Variants in SLC24A1 observed in about 807,000 individuals in gnomAD.
The protein encoded by SLC24A1 is solute carrier family 24 member 1, also known as sodium/potassium/calcium exchanger 1.
Under a neutral mutation model 88.1 loss-of-function variants are expected in SLC24A1, and 52 were observed. The ratio of observed to expected loss-of-function variants is 0.59; its 90% confidence interval spans 0.47 to 0.74. SLC24A1 has a LOEUF of 0.74. Ranked by LOEUF, SLC24A1 falls within the 30% of genes least tolerant of loss-of-function variation. SLC24A1 has a pLI of 0.00. For missense variants in SLC24A1, 1,173 were observed against 1,363.3 expected, an observed-to-expected ratio of 0.86 and a Z score of 2.20; for synonymous variants, 455 against 498.0, an observed-to-expected ratio of 0.91 and a Z score of 1.15.
rs115237740 is a variant in SLC24A1, at chr15:65,647,153, G to A, written c.2232+1450G>A. Among the ~76,000 whole-genome samples, 967 of 152,284 alleles carry A rather than the reference G, an allele frequency of 6.3e-3. 9 individuals are homozygous for A. The highest frequency in any genetic ancestry group is 0.022 in the African/African-American group (928 of 41,558). On this transcript the variant is annotated intron_variant, in intron 6 of 9. Transcript: ENST00000261892. ...TACAATCCCAATCCTGCATCCACAG[G>A]AGAATCAGTGACTGGTTTCCAGTCT...
At chr15:65,657,931 G>A (rs2075738398), downstream of SLC24A1, 1 of 152,128 alleles carries the variant, frequency 6.6e-6, no homozygotes, top group Non-Finnish European at 1.5e-5. Flanking sequence ...GCAAAACCTG[G>A]AGAATTTCAC....
rs886051346 is a variant in SLC24A1 at position 65,624,008 on chromosome 15, A to G, written c.-73A>G. 51 of 1,376,392 alleles carry G rather than the reference A, an allele frequency of 3.7e-5. No homozygotes were observed. The highest frequency in any genetic ancestry group is 5.3e-4 in the Middle Eastern group (2 of 3,766). 85.3% of individuals were successfully genotyped at this position (1,376,392 alleles called of 1,614,324 possible). On this transcript the variant is annotated 5_prime_UTR_variant, in exon 2 of 10. Coordinates refer to ENST00000261892, the MANE Select transcript of SLC24A1 (RefSeq NM_004727.3). ...ATGGAGAAATCTTCTCTGATCACCAACCTGAATCCCAGAGTAGCCTCCATC... is the reference window on the plus strand; with the variant it reads ...ATGGAGAAATCTTCTCTGATCACCAGCCTGAATCCCAGAGTAGCCTCCATC...
In SLC24A1 at chr15:65,639,658, A is replaced by G. The variant is rs1358013572; in HGVS notation, c.2008A>G (p.Thr670Ala). Residue 670 changes from threonine to alanine, a missense_variant, in exon 4 of 10, where the codon ACC becomes GCC. Thr to Ala is a moderately conservative substitution (Grantham distance 58, BLOSUM62 0). Transcript: ENST00000261892. The stretch of plus-strand genomic sequence containing the variant: ...TCTGCACAACAGCACCATCCGCAGC[A>G]CCATCTACCAGCTCATGCTCCACAG... ...TSLHNSTIRS[T>A]IYQLMLHSLD... 3 of 1,613,156 alleles carry G rather than the reference A, an allele frequency of 1.9e-6. No homozygotes were observed. Among genetic ancestry groups the G allele is most frequent in the Non-Finnish European group, 2.5e-6 (3 of 1,179,586 alleles).
intron 2 of SLC24A1, among the ~76,000 whole-genome samples, chr15:65,627,989 CT>C (rs1294682192): frequency 9.2e-5 from 14 of 152,132 alleles, no homozygotes; most frequent in Non-Finnish European, 2.1e-4. Flanking sequence ...GAGACAGGGT[CT>C]TGTTCTGTTG....
At chr15:65,630,730 G>A (rs143262431) in intron 2 of SLC24A1, among the ~76,000 whole-genome samples, 160 of 152,324 alleles carry the variant, frequency 1.1e-3, no homozygotes, top group African/African-American at 3.7e-3. Context: ...CAGCACTTTG[G>A]GAGGCCGAGG....
intron 6 of SLC24A1, among the ~76,000 whole-genome samples, chr15:65,648,947 A>G (rs1338467084): frequency 6.6e-6 from 1 of 152,112 alleles, no homozygotes. Flanking sequence ...CCAGCTATCA[A>G]TGGCTTTTAG....
At position 65,625,265 on chromosome 15, in the gene SLC24A1, G is replaced by T. The variant is rs762852638; in HGVS notation, c.1185G>T (p.Val395=). 5 of 1,613,938 alleles carry T rather than the reference G, an allele frequency of 3.1e-6. 1 individual carries two copies. In the Admixed American group the frequency reaches 8.3e-5, roughly 27 times the overall value. Residue 395 remains valine, a synonymous_variant, in exon 2 of 10, where the codon GTG becomes GTT. Transcript: ENST00000261892. The stretch of plus-strand genomic sequence containing the variant: ...TGACCATGCAGGTCCATCACTGTGT[G>T]GTTGTGAAGCCAACCCCAGCCATGC... ...AKLTMQVHHC[V]VVKPTPAMLT...
rs1178870001 is a variant in SLC24A1 at position 65,654,149 on chromosome 15, C to T, written c.*70C>T. 3.9e-6 allele frequency: 6 copies of T among 1,551,972 alleles called. No individual in the cohort carries two copies. The highest frequency in any genetic ancestry group is 1.7e-4 in the Middle Eastern group (1 of 5,782). On this transcript the variant is annotated 3_prime_UTR_variant, in exon 10 of 10. Coordinates refer to ENST00000261892, the MANE Select transcript of SLC24A1 (RefSeq NM_004727.3). ...CAGAAGTTACTGTATCTCTTGTGAC[C>T]CTAATGAAAGAATGTATATGATCCT...
chr15:65,629,827 G>T (rs1300667224), intron 2 of SLC24A1, among the ~76,000 whole-genome samples: 1 of 152,200 alleles, frequency 6.6e-6, no homozygotes, highest in African/African-American at 2.4e-5. Flanking sequence ...TGGCAAAAAG[G>T]GATGCAAAGC....
rs1276667976 is a variant in SLC24A1 at position 65,613,063 on chromosome 15, G to T, written c.-228+450G>T. ...AGAACATCAGCACAAAGGTTAGAAG[G>T]TTTTAAAGGGGGTGTCTTTCAAGCC... On this transcript the variant is annotated intron_variant, in intron 2 of 11. Transcript: ENST00000537259. Among the ~76,000 whole-genome samples, 3 of 152,168 alleles carry T rather than the reference G, an allele frequency of 2.0e-5. No homozygotes were observed. In the East Asian group the frequency reaches 5.8e-4, roughly 29 times the overall value.
At chr15:65,659,457 C>T (rs1482013388), downstream of SLC24A1, 2 of 150,322 alleles carry the variant, frequency 1.3e-5, no homozygotes, top group Non-Finnish European at 3.0e-5. Context: ...GCTTCAGCCT[C>T]CCGAGTAGCT....
Position 65,642,857 on chromosome 15 carries a change from C to G in SLC24A1, c.2054-1570C>G, listed in dbSNP as rs12101597. The G allele has an allele frequency of 0.51, 226,612 of 448,710 alleles. 61,733 individuals are homozygous for G. Among genetic ancestry groups the G allele is most frequent in the African/African-American group, 0.82 (40,267 of 49,170 alleles). The allele number at this position is 448,710 out of a possible 1,614,324, so 27.8% of individuals were successfully genotyped here. On this transcript the variant is annotated intron_variant, in intron 4 of 9. Coordinates refer to ENST00000261892, the MANE Select transcript of SLC24A1 (RefSeq NM_004727.3). ...CTGCTTGTCCTGGAGCCAGGCAGAG[C>G]CTTTGATCCACCCAGCTTCCCAGAT...
chr15:65,630,898 C>T (rs541492065), intron 2 of SLC24A1, among the ~76,000 whole-genome samples: 1 of 152,172 alleles, frequency 6.6e-6, no homozygotes, highest in East Asian at 1.9e-4. Flanking sequence ...TGGAACCCAG[C>T]AGGCGGAGGT....
chr15:65,654,839 C>T lies in SLC24A1; in HGVS notation c.*760C>T. ...TCCTGCCTCAGCCTGAAGTCGTGAT[C>T]TGCCCGCCTCGGCCTCCCAAAGTGC... is the stretch of plus-strand genomic sequence containing the variant. On this transcript the variant is annotated 3_prime_UTR_variant, in exon 10 of 10. Coordinates refer to ENST00000261892, the MANE Select transcript of SLC24A1 (RefSeq NM_004727.3). The T allele has an allele frequency of 9.4e-7, 1 of 1,063,854 alleles. No homozygotes were observed. The highest frequency in any genetic ancestry group is 1.2e-6 in the Non-Finnish European group (1 of 818,202). 65.9% of individuals were successfully genotyped at this position (1,063,854 alleles called of 1,614,324 possible).
chr15:65,635,132 G>T (rs539252482), intron 2 of SLC24A1, among the ~76,000 whole-genome samples: 3 of 152,038 alleles, frequency 2.0e-5, no homozygotes, highest in Non-Finnish European at 2.9e-5. Context: ...CCTACCCCTC[G>T]GTGTACAGAA....
Position 65,623,978 on chromosome 15 carries a change from G to A in SLC24A1, c.-103G>A. The A allele has an allele frequency of 9.3e-7, 1 of 1,070,392 alleles. No individual in the cohort carries two copies. The highest frequency in any genetic ancestry group is 1.4e-6 in the Non-Finnish European group (1 of 734,008). 66.3% of individuals were successfully genotyped at this position (1,070,392 alleles called of 1,614,324 possible). A position where few individuals can be genotyped will look rare whatever the true frequency, so the allele number is the denominator to read the frequency against. On this transcript the variant is annotated 5_prime_UTR_variant, in exon 2 of 10. Transcript: ENST00000261892. ...AGGGTTGTGGATACCCCCTGGCTGG[G>A]CTTCATGGAGAAATCTTCTCTGATC...
chr15:65,655,654 G>C lies in SLC24A1; in HGVS notation c.*1575G>C, dbSNP rs1028245904. 2.5e-5 allele frequency: 25 copies of C among 985,256 alleles called. No individual in the cohort carries two copies. In the African/African-American group the frequency reaches 4.4e-4, roughly 17 times the overall value. The allele number at this position is 985,256 out of a possible 1,614,324, so 61.0% of individuals were successfully genotyped here. A position where few individuals can be genotyped will look rare whatever the true frequency, so the allele number is the denominator to read the frequency against. On this transcript the variant is annotated 3_prime_UTR_variant, in exon 10 of 10. Coordinates refer to ENST00000261892, the MANE Select transcript of SLC24A1 (RefSeq NM_004727.3). ...TAAATATGGCTTTAATTACAAACAT[G>C]AGGAATGATTCACTGAAGATGAAAA... is the stretch of plus-strand genomic sequence containing the variant.
chr15:65,645,218 A>G (rs1383093697), intron 5 of SLC24A1, among the ~76,000 whole-genome samples: 1 of 152,238 alleles, frequency 6.6e-6, no homozygotes, highest in Non-Finnish European at 1.5e-5. Context: ...CCTTCCCGTC[A>G]GTCCTGTTCC....
Position 65,625,545 on chromosome 15 carries a change from C to T in SLC24A1, c.1465C>T (p.Gln489Ter). The T allele has an allele frequency of 6.2e-7, 1 of 1,614,046 alleles. No homozygotes were observed. The highest frequency in any genetic ancestry group is 1.3e-5 in the African/African-American group (1 of 75,048). ...CCTGGGTGTCATCACAGACAAGCTG[C>T]AGATCTCCGAGGATGTGGCAGGCGC... is the stretch of plus-strand genomic sequence containing the variant. ...PALGVITDKLQISEDVAGATF... is the reference protein window; with the variant it reads ...PALGVITDKL Residue 489 changes from glutamine to a stop codon, truncating the protein, a stop_gained, in exon 2 of 10, where the codon CAG (glutamine) becomes TAG (stop). Coordinates refer to ENST00000261892, the MANE Select transcript of SLC24A1 (RefSeq NM_004727.3). LOFTEE classifies it high-confidence loss of function.
Sources: gnomAD v4.1 joint callset for allele counts (sites outside exome capture counted in the v4.1 genomes callset) on GRCh38, gnomAD v4.1.1 for gene constraint, MANE v1.5 for transcripts, NCBI Gene and HGNC (gene_info 2026-07-23, HGNC 2026-07-21) for gene names.